The following LILRA1 variants were observed in gnomAD, a reference collection of about 807,000 sequenced individuals.
LILRA1 encodes the protein leukocyte immunoglobulin-like receptor subfamily A member 1.
LILRA1 carries 51 observed loss-of-function variants against 51.6 expected under a neutral mutation model. The observed-to-expected ratio is 0.99, with a 90% confidence interval of 0.79 to 1.25. LILRA1 has a LOEUF of 1.25. Among genes scored for constraint, LILRA1 ranks in the 50% most tolerant of loss-of-function variants. LILRA1 has a pLI of 0.00. For missense variants in LILRA1, 660 were observed against 611.7 expected (o/e 1.08, Z -0.83); for synonymous variants, 305 against 248.4 (o/e 1.23, Z -2.14).
rs1362649479 is a variant in LILRA1, at chr19:54,595,156, G to T, written c.415G>T (p.Gly139Trp). 1 of 1,614,156 alleles carries T rather than the reference G, an allele frequency of 6.2e-7. No homozygotes were observed. The highest frequency in any genetic ancestry group is 1.7e-5 in the Admixed American group (1 of 60,020). ...ALPSPVVTSG[G>W]NVTLHCVSQV... is the part of the protein sequence containing the mutation. ...ACCCAGCCCTGTGGTGACCTCAGGA[G>T]GGAACGTGACCCTCCATTGTGTCTC... is the stretch of plus-strand genomic sequence containing the variant. The change falls in exon 5 of 10, where the codon GGG (glycine) becomes TGG (tryptophan). Residue 139 changes from glycine (G) to tryptophan (W), a missense_variant. By Grantham distance (184) the Gly-to-Trp change is radical. Coordinates refer to ENST00000251372, the MANE Select transcript of LILRA1 (RefSeq NM_006863.4).
intron 7 of LILRA1, 87 bp downstream of exon 7, chr19:54,596,578 G>T: frequency 1.9e-6 from 3 of 1,567,586 alleles, no homozygotes; most frequent in Non-Finnish European, 2.6e-6. Context: ...TAAGAAAAGA[G>T]GGGAGTTGGC....
rs779142756 is a variant in LILRA1, at chr19:54,595,763, A to G, written c.786A>G (p.Glu262=). The change falls in exon 6 of 10, where the codon GAA becomes GAG. Residue 262 remains glutamate, a synonymous_variant. Transcript: ENST00000251372. ...YDRFVLYKEG[E]RDFLQLPGPQ... is the part of the protein sequence containing the mutation. ...GATTTGTTCTGTATAAGGAGGGAGA[A>G]CGTGACTTCCTCCAGCTCCCTGGCC... The G allele has an allele frequency of 1.9e-6, 3 of 1,613,970 alleles. No individual in the cohort carries two copies. Among genetic ancestry groups the G allele is most frequent in the Non-Finnish European group, 2.5e-6 (3 of 1,180,008 alleles).
Position 54,594,942 on chromosome 19 carries a change from G to T in LILRA1, c.348G>T (p.Leu116=), listed in dbSNP as rs1317627542. 1 of 1,613,798 alleles carries T rather than the reference G, an allele frequency of 6.2e-7. No homozygotes were observed. Among genetic ancestry groups the T allele is most frequent in the Non-Finnish European group, 8.5e-7 (1 of 1,179,918 alleles). The change falls in exon 4 of 10, where the codon CTG becomes CTT. Residue 116 remains leucine (L), a synonymous_variant. Transcript: ENST00000251372. The part of the protein sequence containing the change: ...GWSEPSDPLE[L]VVTGAYIKPT... ...CAGAGCCCAGTGACCCCCTGGAGCT[G>T]GTGGTGACAGGTGAGCTGACACTGA... is the stretch of plus-strand genomic sequence containing the variant.
chr19:54,599,725 T>G (rs1484719160), intron 8 of LILRA1: 4 of 522,634 alleles, frequency 7.7e-6, no homozygotes, highest in Non-Finnish European at 1.0e-5. Flanking sequence ...TATATACATA[T>G]TTATGTGTGG....
intron 7 of LILRA1, among the ~76,000 whole-genome samples, chr19:54,597,910 C>G (rs551641529): frequency 2.7e-5 from 4 of 150,822 alleles, no homozygotes; most frequent in Admixed American, 6.6e-5. Context: ...CTCAGGGGTG[C>G]CCTGAGCCCA....
rs577261829 is a variant in LILRA1, at chr19:54,599,602, G to A, written c.1312+316G>A. The A allele has an allele frequency of 6.9e-4, 742 of 1,067,808 alleles. 3 individuals carry two copies. In the Middle Eastern group the frequency reaches 8.8e-3, roughly 13 times the overall value. The allele number at this position is 1,067,808 out of a possible 1,614,324, so 66.1% of individuals were successfully genotyped here. On this transcript the variant is annotated intron_variant, in intron 8 of 9. Coordinates refer to ENST00000251372, the MANE Select transcript of LILRA1 (RefSeq NM_006863.4). ...TTTACTAATACAATTTGTATAAACC[G>A]TAAGACAATGGGAAATTTTACTTCT...
rs1288296614 is a variant in LILRA1 at position 54,601,005 on chromosome 19, T to A, written c.*188T>A. 3 of 670,526 alleles carry A rather than the reference T, an allele frequency of 4.5e-6. No individual in the cohort carries two copies. The highest frequency in any genetic ancestry group is 2.7e-5 in the East Asian group (1 of 37,422). 41.5% of individuals were successfully genotyped at this position (670,526 alleles called of 1,614,324 possible). A position where few individuals can be genotyped will look rare whatever the true frequency, so the allele number is the denominator to read the frequency against. On this transcript the variant is annotated 3_prime_UTR_variant, in exon 10 of 10. Coordinates refer to ENST00000251372, the MANE Select transcript of LILRA1 (RefSeq NM_006863.4). ...ATTGCAGAGACATTTTCTGGAGTGA[T>A]CCATGAAGGACCATTAACCTGTGAT...
rs1351319528 is a variant in LILRA1, at chr19:54,596,471, C to T, written c.1241C>T (p.Ser414Phe). The part of the protein sequence containing the change: ...NPYLLSHPSD[S>F]LELMVSGAAE... ...TACCTGCTGTCTCACCCCAGTGACT[C>T]CCTGGAGCTCATGGTCTCAGGTGAG... is the stretch of plus-strand genomic sequence containing the variant. Residue 414 changes from serine to phenylalanine, a missense_variant, in exon 7 of 10, where the codon TCC becomes TTC. By Grantham distance (155) the Ser-to-Phe change is radical. Coordinates refer to ENST00000251372, the MANE Select transcript of LILRA1 (RefSeq NM_006863.4). 2.5e-6 allele frequency: 4 copies of T among 1,613,930 alleles called. No homozygotes were observed. The African/African-American group carries it at 4.0e-5, about 16-fold the overall frequency.
intron 7 of LILRA1, among the ~76,000 whole-genome samples, chr19:54,597,382 G>A (rs2063081660): frequency 6.6e-6 from 1 of 152,248 alleles, no homozygotes; most frequent in Non-Finnish European, 1.5e-5. Context: ...GAGCAGCGGG[G>A]TCTTTCCCCC....
Position 54,596,048 on chromosome 19 carries a change from C to G in LILRA1, c.958+113C>G, listed in dbSNP as rs2063044866. ...GTGGGGGTCCCAAGGGAGGGAGAGA[C>G]AGACAGAGACAGGGGATGGGCGGGG... On this transcript the variant is annotated intron_variant, in intron 6 of 9. Coordinates refer to ENST00000251372, the MANE Select transcript of LILRA1 (RefSeq NM_006863.4). 11 of 1,251,624 alleles carry G rather than the reference C, an allele frequency of 8.8e-6. No homozygotes were observed. The East Asian group carries it at 2.4e-4, about 28-fold the overall frequency. The allele number at this position is 1,251,624 out of a possible 1,614,324, so 77.5% of individuals were successfully genotyped here. A position where few individuals can be genotyped will look rare whatever the true frequency, so the allele number is the denominator to read the frequency against.
At chr19:54,596,078 G>GC in intron 6 of LILRA1, 111 bp from the exon 7 acceptor site, 55 of 739,262 alleles carry the variant, frequency 7.4e-5, no homozygotes, top group Non-Finnish European at 1.1e-4. Context: ...GCGGGGCGGG[G>GC]AAGACTCAGA....
rs1377087547 is a variant in LILRA1, at chr19:54,602,158, C to T, written c.*1341C>T. On this transcript the variant is annotated 3_prime_UTR_variant, in exon 10 of 10. Coordinates refer to ENST00000251372, the MANE Select transcript of LILRA1 (RefSeq NM_006863.4). ...TAGAGTAAACAAATCTTATCATTCACCATCTACCCTCTAGAATAAAGAAAT... is the reference window on the plus strand; with the variant it reads ...TAGAGTAAACAAATCTTATCATTCATCATCTACCCTCTAGAATAAAGAAAT... 6.6e-6 allele frequency: 1 copy of T among 152,070 alleles called. No homozygotes were observed. Among genetic ancestry groups the T allele is most frequent in the East Asian group, 1.9e-4 (1 of 5,176 alleles). 9.4% of individuals were successfully genotyped at this position (152,070 alleles called of 1,614,324 possible). A position where few individuals can be genotyped will look rare whatever the true frequency, so the allele number is the denominator to read the frequency against.
In LILRA1 at chr19:54,596,316, A is replaced by T. The variant is rs768960543; in HGVS notation, c.1086A>T (p.Ala362=). 6.8e-6 allele frequency: 11 copies of T among 1,613,988 alleles called. No homozygotes were observed. In the Middle Eastern group the frequency reaches 8.2e-4, roughly 121 times the overall value. ...CTTTCCTTCTGACCAAGGCGGGAGCAGCTGATGCCCCCCTCCGTCTCAGAT... is the reference window on the plus strand; with the variant it reads ...CTTTCCTTCTGACCAAGGCGGGAGCTGCTGATGCCCCCCTCCGTCTCAGAT... ...FHTFLLTKAG[A]ADAPLRLRSI... Residue 362 remains alanine (A), a synonymous_variant, in exon 7 of 10, where the codon GCA becomes GCT. Coordinates refer to ENST00000251372, the MANE Select transcript of LILRA1 (RefSeq NM_006863.4).
Position 54,601,224 on chromosome 19 carries a change from G to A in LILRA1, c.*407G>A, listed in dbSNP as rs553583131. 1 of 209,906 alleles carries A rather than the reference G, an allele frequency of 4.8e-6. No homozygotes were observed. The highest frequency in any genetic ancestry group is 9.3e-5 in the South Asian group (1 of 10,718). 13.0% of individuals were successfully genotyped at this position (209,906 alleles called of 1,614,324 possible). ...CATACTCCCTGGTGTGCTTTACTGA[G>A]CCTCCATCTCTTCAATTCAGAGTTC... is the stretch of plus-strand genomic sequence containing the variant. On this transcript the variant is annotated 3_prime_UTR_variant, in exon 10 of 10. Transcript: ENST00000251372.
intron 5 of LILRA1, 78 bp from the exon 6 acceptor site, chr19:54,595,561 T>A: frequency 1.3e-6 from 2 of 1,553,276 alleles, no homozygotes; most frequent in Non-Finnish European, 1.7e-6. Context: ...TCAGCAGTGG[T>A]GAGGCCCCGG....
chr19:54,599,341 T>C lies in LILRA1; in HGVS notation c.1312+55T>C, dbSNP rs769718339. The C allele has an allele frequency of 3.3e-6, 5 of 1,523,718 alleles. No homozygotes were observed. The South Asian group carries it at 4.4e-5, about 14-fold the overall frequency. The allele number at this position is 1,523,718 out of a possible 1,614,324, so 94.4% of individuals were successfully genotyped here. A position where few individuals can be genotyped will look rare whatever the true frequency, so the allele number is the denominator to read the frequency against. Reference sequence around the variant, plus strand: ...GCTGGGCACAGAGGGTCAGGTCCTGTCAAGGGGAGCTGGGTGTCCTGGGTG... The same window carrying C: ...GCTGGGCACAGAGGGTCAGGTCCTGCCAAGGGGAGCTGGGTGTCCTGGGTG... On this transcript the variant is annotated intron_variant, in intron 8 of 9. Coordinates refer to ENST00000251372, the MANE Select transcript of LILRA1 (RefSeq NM_006863.4).
chr19:54,596,086 A>T, intron 6 of LILRA1, 103 bp from the exon 7 acceptor site: 1 of 1,518,708 alleles, frequency 6.6e-7, no homozygotes, highest in Non-Finnish European at 8.8e-7. Context: ...GGGAAGACTC[A>T]GAGAAAACAG....
chr19:54,599,130 A>T (rs2063119394), intron 7 of LILRA1, 106 bp from the exon 8 acceptor site: 2 of 1,305,752 alleles, frequency 1.5e-6, no homozygotes, highest in South Asian at 2.5e-5. Flanking sequence ...CAGGACACCC[A>T]CCTCTCCTTG....
Position 54,595,815 on chromosome 19 carries a change from G to A in LILRA1, c.838G>A (p.Ala280Thr), listed in dbSNP as rs778194459. The change falls in exon 6 of 10, where the codon GCC (alanine) becomes ACC (threonine). Residue 280 changes from alanine to threonine, a missense_variant. Ala to Thr is a moderately conservative substitution (Grantham distance 58). Transcript: ENST00000251372. ...GPQPQAGLSQ[A>T]NFTLGPVSRS... is the part of the protein sequence containing the mutation. ...ACAGCCCCAGGCTGGGCTCTCCCAG[G>A]CCAACTTCACCCTGGGCCCTGTGAG... 1.2e-6 allele frequency: 2 copies of A among 1,614,196 alleles called. No individual in the cohort carries two copies. The highest frequency in any genetic ancestry group is 1.7e-6 in the Non-Finnish European group (2 of 1,180,002).
Sources: gnomAD v4.1 joint callset for allele counts (sites outside exome capture counted in the v4.1 genomes callset) on GRCh38, gnomAD v4.1.1 for gene constraint, MANE v1.5 for transcripts, NCBI Gene and HGNC (gene_info 2026-07-23, HGNC 2026-07-21) for gene names.